ZSCAN32: variants seen among roughly 807,000 people sequenced by gnomAD.
ZSCAN32 encodes zinc finger and SCAN domain containing 32.
ZSCAN32 carries 52 observed loss-of-function variants against 47.4 expected under a neutral mutation model. That is an observed-to-expected ratio of 1.10 (90% confidence interval 0.88 to 1.38). The LOEUF (loss-of-function observed/expected upper bound fraction) is 1.38, where lower values mean the gene tolerates loss of function less well. Ranked by LOEUF, ZSCAN32 falls within the 40% of genes most tolerant of loss-of-function variation. The pLI, the probability that ZSCAN32 is intolerant of heterozygous loss-of-function variation, is 0.00. For synonymous variants in ZSCAN32, 346 were observed against 305.7 expected (o/e 1.13, Z -1.38); for missense variants, 959 against 846.0 (o/e 1.13, Z -1.66).
intron 1 of ZSCAN32, among the ~76,000 whole-genome samples, chr16:3,400,510 C>G (rs1174961975): frequency 3.3e-5 from 5 of 152,160 alleles, no homozygotes; most frequent in Non-Finnish European, 7.3e-5. Flanking sequence ...ATGCTGTTCT[C>G]TGAAAATTTT....
chr16:3,386,999 G>T (rs1447413549), intron 5 of ZSCAN32, among the ~76,000 whole-genome samples: 1 of 149,848 alleles, frequency 6.7e-6, no homozygotes. Flanking sequence ...ACTGGCTATT[G>T]TTATTTCTAG....
chr16:3,393,202 T>TATATATATAAATATATA (rs1555474306), intron 3 of ZSCAN32, among the ~76,000 whole-genome samples: 1 of 23,242 alleles, frequency 4.3e-5, no homozygotes, highest in African/African-American at 3.5e-4. Flanking sequence ...ATATATATAT[T>TATATATATAAATATATA]TATATTTATA....
chr16:3,397,234 AGCTTCCTCGCCGTTTTCTGGATGCT>A lies in ZSCAN32; in HGVS notation c.299_323del (p.Gln100LeufsTer17), dbSNP rs755055529. The A allele has an allele frequency of 2.6e-6, 4 of 1,558,668 alleles. No individual in the cohort carries two copies. The African/African-American group carries it at 4.1e-5, about 16-fold the overall frequency. On this transcript the variant is annotated frameshift_variant, in exon 2 of 7. Coordinates refer to ENST00000396852, the MANE Select transcript of ZSCAN32 (RefSeq NM_001284527.2). LOFTEE classifies it high-confidence loss of function. ...TCTGTACATCCTCAACCAGAGCCACAGCTTCCTCGCCGTTTTCTGGATGCTGCTCCCTCACCCAGGTCTGGATCTC... is the reference window on the plus strand; with the variant it reads ...TCTGTACATCCTCAACCAGAGCCACAGCTCCCTCACCCAGGTCTGGATCTC...
intron 3 of ZSCAN32, 87 bp from the exon 4 acceptor site, chr16:3,390,604 C>T (rs1231337330): frequency 6.6e-6 from 7 of 1,063,564 alleles, no homozygotes; most frequent in African/African-American, 1.6e-5. Flanking sequence ...CTGGGCCAGC[C>T]GCATCAGCAG....
chr16:3,397,714 C>CG lies in ZSCAN32; in HGVS notation c.-158dup, dbSNP rs1401039497. On this transcript the variant is annotated 5_prime_UTR_variant, in exon 2 of 7. Transcript: ENST00000396852. ...GTCAGACATGTGTAGAGACTCACAG[C>CG]GGAAAAAAAGGGCTCAACTTTGAAG... The CG allele has an allele frequency of 4.0e-6, 4 of 991,162 alleles. No individual in the cohort carries two copies. The East Asian group carries it at 1.1e-4, about 28-fold the overall frequency. 61.4% of individuals were successfully genotyped at this position (991,162 alleles called of 1,614,324 possible).
At chr16:3,393,532 G>C (rs543863917) in intron 3 of ZSCAN32, 117 bp downstream of exon 3, 1 of 1,039,690 alleles carries the variant, frequency 9.6e-7, no homozygotes, top group Non-Finnish European at 1.3e-6. Context: ...GCCGGTTTTT[G>C]GATGTATTTC....
Position 3,397,227 on chromosome 16 carries a change from G to A in ZSCAN32, c.331C>T (p.Leu111=), listed in dbSNP as rs1596236472. The change falls in exon 2 of 7, where the codon CTG becomes TTG. Residue 111 remains leucine (L), a synonymous_variant. Coordinates refer to ENST00000396852, the MANE Select transcript of ZSCAN32 (RefSeq NM_001284527.2). The stretch of plus-strand genomic sequence containing the variant: ...GGAGCTCTCTGTACATCCTCAACCA[G>A]AGCCACAGCTTCCTCGCCGTTTTCT... The part of the protein sequence containing the change: ...HPENGEEAVA[L]VEDVQRAPGQ... The A allele has an allele frequency of 1.3e-6, 2 of 1,556,604 alleles. No individual in the cohort carries two copies. Among genetic ancestry groups the A allele is most frequent in the South Asian group, 1.2e-5 (1 of 84,474 alleles).
intron 3 of ZSCAN32, among the ~76,000 whole-genome samples, chr16:3,391,850 G>C (rs1387298773): frequency 6.6e-6 from 1 of 152,144 alleles, no homozygotes; most frequent in African/African-American, 2.4e-5. Flanking sequence ...AGGACTGCTT[G>C]AACCTAGCAG....
chr16:3,394,080 G>C (rs1406375792), intron 2 of ZSCAN32, among the ~76,000 whole-genome samples: 3 of 152,094 alleles, frequency 2.0e-5, no homozygotes, highest in Non-Finnish European at 4.4e-5. Flanking sequence ...CTGGCAACAA[G>C]GTGAAAGAAA....
At chr16:3,392,178 A>G (rs1490226758) in intron 3 of ZSCAN32, among the ~76,000 whole-genome samples, 1 of 152,206 alleles carries the variant, frequency 6.6e-6, no homozygotes, top group Non-Finnish European at 1.5e-5. Flanking sequence ...TGAAATGTCC[A>G]CAACAGGTAA....
At chr16:3,395,126 C>T (rs1267226708) in intron 2 of ZSCAN32, among the ~76,000 whole-genome samples, 2 of 152,208 alleles carry the variant, frequency 1.3e-5, no homozygotes, top group Non-Finnish European at 2.9e-5. Flanking sequence ...CACTGAAAAT[C>T]AACTTTTGTC....
rs1320159341 is a variant in ZSCAN32 at position 3,382,904 on chromosome 16, G to A, written c.2042C>T (p.Thr681Ile). 1.2e-6 allele frequency: 2 copies of A among 1,607,224 alleles called. No homozygotes were observed. Among genetic ancestry groups the A allele is most frequent in the Non-Finnish European group, 1.7e-6 (2 of 1,176,170 alleles). Residue 681 changes from threonine (T) to isoleucine (I), a missense_variant, in exon 7 of 7, where the codon ACA becomes ATA. Thr to Ile is a moderately conservative substitution (Grantham distance 89, BLOSUM62 -1). Transcript: ENST00000396852. ...TKNSALTRHQ[T>I]VHMKAVLSSQ... ...TGAGAGTACTGCTTTCATGTGTACT[G>A]TCTGATGACGGGTGAGGGCAGAGTT... is the stretch of plus-strand genomic sequence containing the variant.
intron 1 of ZSCAN32, among the ~76,000 whole-genome samples, chr16:3,399,865 CA>C (rs1372027173): frequency 6.6e-6 from 1 of 152,196 alleles, no homozygotes; most frequent in Non-Finnish European, 1.5e-5. Context: ...CTTGGCCTCC[CA>C]AAGTGCTGGG....
rs1012462587 is a variant in ZSCAN32 at position 3,397,476 on chromosome 16, C to T, written c.82G>A (p.Gly28Ser). The change falls in exon 2 of 7, where the codon GGT (glycine) becomes AGT (serine). Residue 28 changes from glycine to serine, a missense_variant. Transcript: ENST00000396852. The part of the protein sequence containing the change: ...PTQGQKSALQ[G>S]NSPDSEASRQ... ...GAGGCCTCGGAGTCAGGGCTGTTAC[C>T]CTGGAGGGCTGATTTCTGGCCCTGT... 1.2e-5 allele frequency: 18 copies of T among 1,550,512 alleles called. No individual in the cohort carries two copies. The Admixed American group carries it at 2.0e-4, about 17-fold the overall frequency.
rs1328982156 is a variant in ZSCAN32 at position 3,382,943 on chromosome 16, C to T, written c.2003G>A (p.Arg668Lys). ...EKPYRCSHCE[R>K]GFTKNSALTR... ...GAGGGCAGAGTTCTTAGTGAAGCCT[C>T]TCTCACAGTGAGAACACCTGTAAGG... The change falls in exon 7 of 7, where the codon AGA (arginine) becomes AAA (lysine). Residue 668 changes from arginine (R) to lysine (K), a missense_variant. Physicochemically the swap from Arg to Lys is conservative, Grantham distance 26 (BLOSUM62 2). Coordinates refer to ENST00000396852, the MANE Select transcript of ZSCAN32 (RefSeq NM_001284527.2). The T allele has an allele frequency of 6.2e-7, 1 of 1,613,886 alleles. No individual in the cohort carries two copies. Among genetic ancestry groups the T allele is most frequent in the Admixed American group, 1.7e-5 (1 of 59,978 alleles).
In ZSCAN32 at chr16:3,398,513, T is replaced by C. The variant is rs73501941; in HGVS notation, c.-187-769A>G. On this transcript the variant is annotated intron_variant, in intron 1 of 6. Transcript: ENST00000396852. ...CTGTGCGTATTAAACTCTTTCTCTA[T>C]TGCAGTTCCCCTGTCTTGACAAACT... Among the ~76,000 whole-genome samples the C allele has an allele frequency of 6.2e-3, 950 of 152,312 alleles. 16 individuals are homozygous for C. The highest frequency in any genetic ancestry group is 0.022 in the African/African-American group (913 of 41,558).
At chr16:3,399,148 G>A (rs534755428) in intron 1 of ZSCAN32, among the ~76,000 whole-genome samples, 106 of 152,244 alleles carry the variant, frequency 7.0e-4, no homozygotes, top group African/African-American at 2.2e-3. Flanking sequence ...GCTTGAACCC[G>A]GGAGGCGGAG....
At chr16:3,388,957 G>A (rs1164718616) in intron 5 of ZSCAN32, among the ~76,000 whole-genome samples, 8 of 152,186 alleles carry the variant, frequency 5.3e-5, no homozygotes, top group African/African-American at 1.7e-4. Context: ...AGTGCTAGAG[G>A]CCAAAGAATT....
intron 5 of ZSCAN32, 46 bp downstream of exon 5, chr16:3,389,964 C>A: frequency 1.3e-6 from 2 of 1,547,606 alleles, no homozygotes; most frequent in Non-Finnish European, 1.8e-6. Flanking sequence ...CCTCTCTGAA[C>A]AACTGAACAC....
Sources: allele counts gnomAD v4.1 joint callset (sites outside exome capture counted in the v4.1 genomes callset), GRCh38; gene constraint gnomAD v4.1.1; transcripts MANE v1.5; gene names NCBI Gene and HGNC (gene_info 2026-07-23, HGNC 2026-07-21).